The following SULT1E1 variants were observed in gnomAD, a reference collection of about 807,000 sequenced individuals.
The protein encoded by SULT1E1 is sulfotransferase family 1E member 1, also known as sulfotransferase 1E1.
Under a neutral mutation model 33.6 loss-of-function variants are expected in SULT1E1, and 36 were observed. The observed-to-expected ratio is 1.07, with a 90% confidence interval of 0.82 to 1.41. The LOEUF (loss-of-function observed/expected upper bound fraction) is 1.41, where lower values mean the gene tolerates loss of function less well. Among genes scored for constraint, SULT1E1 ranks in the 40% most tolerant of loss-of-function variants. SULT1E1 has a pLI of 0.00. For synonymous variants in SULT1E1, 121 were observed against 111.7 expected (o/e 1.08, Z -0.53); for missense variants, 371 against 345.7 (o/e 1.07, Z -0.58).
In SULT1E1 at chr4:69,847,784, C is replaced by G. The variant is rs1721010687; in HGVS notation, c.505G>C (p.Gly169Arg). 6.2e-7 allele frequency: 1 copy of G among 1,603,418 alleles called. No individual in the cohort carries two copies. The highest frequency in any genetic ancestry group is 8.5e-7 in the Non-Finnish European group (1 of 1,172,988). Residue 169 changes from glycine (G) to arginine (R), a missense_variant, in exon 6 of 8, where the codon GGT (glycine) becomes CGT (arginine). Transcript: ENST00000226444. ...GATTTTACATGTTTATACCAGGAAC[C>G]ATAAGGAACTAAAATTAGAGAGAAA... ...EKFMQGQVPY[G>R]SWYKHVKSWW...
chr4:69,846,778 CAG>C (rs910017421), intron 6 of SULT1E1, among the ~76,000 whole-genome samples: 3 of 151,570 alleles, frequency 2.0e-5, no homozygotes, highest in African/African-American at 7.3e-5. Flanking sequence ...TTGTTATTGT[CAG>C]ATATTTAAAT....
chr4:69,843,570 T>C (rs1292128701), intron 7 of SULT1E1, among the ~76,000 whole-genome samples: 1 of 152,200 alleles, frequency 6.6e-6, no homozygotes, highest in Non-Finnish European at 1.5e-5. Flanking sequence ...CCCAGTGCTC[T>C]GAATATCTGA....
At position 69,858,212 on chromosome 4, in the gene SULT1E1, T is replaced by C. The variant is rs117301028; in HGVS notation, c.-9-559A>G. On this transcript the variant is annotated intron_variant, in intron 1 of 7. Coordinates refer to ENST00000226444, the MANE Select transcript of SULT1E1 (RefSeq NM_005420.3). Reference sequence around the variant, plus strand: ...ATGAAATTAATTACACTGTAATGGTTATATCAAAGAAATGGAATCTTGAGA... The same window carrying C: ...ATGAAATTAATTACACTGTAATGGTCATATCAAAGAAATGGAATCTTGAGA... Among the ~76,000 whole-genome samples the C allele has an allele frequency of 2.0e-4, 31 of 152,262 alleles. No individual in the cohort carries two copies. The East Asian group carries it at 5.6e-3, about 27-fold the overall frequency.
intron 2 of SULT1E1, 46 bp from the exon 3 acceptor site, chr4:69,855,472 T>C: frequency 6.4e-7 from 1 of 1,571,412 alleles, no homozygotes. Flanking sequence ...CCCTGTAGAG[T>C]TGATGACATT....
the SULT1E1 span, among the ~76,000 whole-genome samples, chr4:69,823,254 T>G: frequency 6.6e-6 from 1 of 152,106 alleles, no homozygotes; most frequent in Non-Finnish European, 1.5e-5. Flanking sequence ...ATAACTCAGG[T>G]TTAGTATAGC....
chr4:69,851,928 A>T (rs546968840), intron 4 of SULT1E1, among the ~76,000 whole-genome samples: 4 of 152,126 alleles, frequency 2.6e-5, no homozygotes, highest in Non-Finnish European at 5.9e-5. Flanking sequence ...GAACAATGAG[A>T]ACACCTGGAC....
intron 1 of SULT1E1, among the ~76,000 whole-genome samples, chr4:69,859,048 T>C (rs991337202): frequency 2.6e-5 from 4 of 152,284 alleles, no homozygotes; most frequent in East Asian, 3.9e-4. Flanking sequence ...AATTGTCTCA[T>C]ATTACAATGT....
the SULT1E1 span, among the ~76,000 whole-genome samples, chr4:69,834,146 C>A: frequency 6.6e-6 from 1 of 152,118 alleles, no homozygotes; most frequent in Non-Finnish European, 1.5e-5. Context: ...AAGCTACAAG[C>A]CTTCTTTTCT....
chr4:69,843,583 A>G (rs946410442), intron 7 of SULT1E1, among the ~76,000 whole-genome samples: 6 of 152,176 alleles, frequency 3.9e-5, no homozygotes, highest in Admixed American at 3.3e-4. Context: ...ATATCTGAAT[A>G]TCTTACATGC....
the SULT1E1 span, among the ~76,000 whole-genome samples, chr4:69,821,657 C>A: frequency 6.6e-6 from 1 of 152,206 alleles, no homozygotes; most frequent in African/African-American, 2.4e-5. Flanking sequence ...AAACTCCAAT[C>A]CTTAGCAGGA....
At chr4:69,825,494 GC>G in the SULT1E1 span, among the ~76,000 whole-genome samples, 1 of 152,126 alleles carries the variant, frequency 6.6e-6, no homozygotes, top group Admixed American at 6.5e-5. Context: ...GAATTCGGGG[GC>G]TAAATACCAG....
the SULT1E1 span, among the ~76,000 whole-genome samples, chr4:69,826,987 G>T: frequency 6.6e-6 from 1 of 151,980 alleles, no homozygotes; most frequent in African/African-American, 2.4e-5. Context: ...AAATCTCCAA[G>T]GAACCACAAA....
At chr4:69,828,127 A>G in the SULT1E1 span, among the ~76,000 whole-genome samples, 126 of 152,256 alleles carry the variant, frequency 8.3e-4, 1 homozygote, top group African/African-American at 2.8e-3. Context: ...TGGTCAGGAA[A>G]TTGTCTTCCT....
downstream of SULT1E1, among the ~76,000 whole-genome samples, chr4:69,840,124 TC>T (rs1560552677): frequency 6.6e-6 from 1 of 152,114 alleles, no homozygotes; most frequent in Non-Finnish European, 1.5e-5. Context: ...TGATTCTGAT[TC>T]CCCCGGTAAA....
At chr4:69,843,126 G>A (rs1030038550) in intron 7 of SULT1E1, among the ~76,000 whole-genome samples, 8 of 152,122 alleles carry the variant, frequency 5.3e-5, no homozygotes, top group East Asian at 3.9e-4. Context: ...GTGAGCCACC[G>A]CGCCCAGCCC....
the SULT1E1 span, among the ~76,000 whole-genome samples, chr4:69,822,296 T>G: frequency 6.6e-6 from 1 of 152,100 alleles, no homozygotes; most frequent in African/African-American, 2.4e-5. Flanking sequence ...AGTTAAACCA[T>G]TTGCTTAGTT....
chr4:69,839,145 A>G (rs527409001), downstream of SULT1E1, among the ~76,000 whole-genome samples: 1 of 152,334 alleles, frequency 6.6e-6, no homozygotes, highest in Non-Finnish European at 1.5e-5. Flanking sequence ...CTAACTGAGT[A>G]CTTCCTAGTG....
chr4:69,828,927 C>G, the SULT1E1 span, among the ~76,000 whole-genome samples: 36 of 152,232 alleles, frequency 2.4e-4, no homozygotes, highest in African/African-American at 6.7e-4. Flanking sequence ...AGTCACTGCT[C>G]GGTGAGGTGC....
chr4:69,852,137 C>T (rs1014218928), intron 4 of SULT1E1, among the ~76,000 whole-genome samples: 4 of 151,914 alleles, frequency 2.6e-5, no homozygotes, highest in Non-Finnish European at 5.9e-5. Flanking sequence ...AAAAAGACCC[C>T]TATTCTATTC....
Sources: gnomAD v4.1 joint callset for allele counts (sites outside exome capture counted in the v4.1 genomes callset) on GRCh38, gnomAD v4.1.1 for gene constraint, MANE v1.5 for transcripts, NCBI Gene and HGNC (gene_info 2026-07-23, HGNC 2026-07-21) for gene names.